FGF12: variants seen among roughly 807,000 people sequenced by gnomAD.
FGF12 encodes fibroblast growth factor 12.
In FGF12, 14 loss-of-function variants were observed where a neutral mutation model predicts 23.6. The observed-to-expected ratio is 0.59, with a 90% CI of 0.39 to 0.93. The LOEUF (loss-of-function observed/expected upper bound fraction) is 0.93, where lower values mean the gene tolerates loss of function less well. Ranked by LOEUF, FGF12 falls within the 40% of genes least tolerant of loss-of-function variation. The probability of loss-of-function intolerance (pLI) is 0.00; values close to 1 mark genes in which losing one functional copy is unlikely to be tolerated. For synonymous variants in FGF12, 62 were observed against 77.3 expected (o/e 0.80, Z 1.04); for missense variants, 175 against 217.8 (o/e 0.80, Z 1.24).
chr3:192,224,625 G>C (rs553386158), intron 4 of FGF12, among the ~76,000 whole-genome samples: 1 of 151,878 alleles, frequency 6.6e-6, no homozygotes, highest in South Asian at 2.1e-4. Flanking sequence ...GTCTGCCATT[G>C]AGTCACTCTT....
intron 2 of FGF12, among the ~76,000 whole-genome samples, chr3:192,689,312 A>G (rs1717867621): frequency 6.6e-6 from 1 of 152,190 alleles, no homozygotes; most frequent in Admixed American, 6.5e-5. Flanking sequence ...TGATCATTAC[A>G]CATTCTATGT....
intron 2 of FGF12, among the ~76,000 whole-genome samples, chr3:192,489,306 A>AT (rs552398137): frequency 2.6e-5 from 4 of 151,958 alleles, no homozygotes; most frequent in Admixed American, 6.6e-5. Context: ...ACAAATTTCC[A>AT]TTTTTTTTAA....
At chr3:192,265,040 CT>C (rs1266549826) in intron 4 of FGF12, among the ~76,000 whole-genome samples, 1 of 152,020 alleles carries the variant, frequency 6.6e-6, no homozygotes, top group Non-Finnish European at 1.5e-5. Context: ...ACTTCAGGGA[CT>C]TTTTCATATT....
intron 3 of FGF12, among the ~76,000 whole-genome samples, chr3:192,349,231 T>C (rs997562568): frequency 6.6e-6 from 1 of 152,128 alleles, no homozygotes; most frequent in African/African-American, 2.4e-5. Flanking sequence ...CAGTAACTTA[T>C]GTTGAAGACG....
At chr3:192,720,844 T>C (rs1397345274) in intron 2 of FGF12, among the ~76,000 whole-genome samples, 2 of 152,178 alleles carry the variant, frequency 1.3e-5, no homozygotes, top group African/African-American at 4.8e-5. Context: ...CACCTGAGTG[T>C]TTCTTAAATA....
chr3:192,335,696 G>T (rs148433572), intron 3 of FGF12, among the ~76,000 whole-genome samples: 381 of 152,180 alleles, frequency 2.5e-3, no homozygotes, highest in African/African-American at 8.7e-3. Flanking sequence ...AAAGGGGTTG[G>T]ATTAGAAGGT....
chr3:192,499,516 ATTTTTTTT>A (rs71177364), intron 2 of FGF12, among the ~76,000 whole-genome samples: 1 of 38,862 alleles, frequency 2.6e-5, no homozygotes, highest in African/African-American at 1.1e-4. Context: ...ATATATATAT[ATTTTTTTT>A]TTTTTTTTTT....
chr3:192,174,585 C>T (rs1577203899), intron 4 of FGF12, among the ~76,000 whole-genome samples: 1 of 152,220 alleles, frequency 6.6e-6, no homozygotes, highest in South Asian at 2.1e-4. Flanking sequence ...ATCTTAATGG[C>T]ACTGAACCAG....
chr3:192,457,310 C>T (rs1054240681), intron 2 of FGF12, among the ~76,000 whole-genome samples: 1 of 152,192 alleles, frequency 6.6e-6, no homozygotes, highest in African/African-American at 2.4e-5. Flanking sequence ...AACTGGGTAA[C>T]AGGCAGAGGC....
intron 4 of FGF12, among the ~76,000 whole-genome samples, chr3:192,234,300 T>C (rs1398492345): frequency 6.6e-6 from 1 of 152,194 alleles, no homozygotes; most frequent in Non-Finnish European, 1.5e-5. Flanking sequence ...AGGTACTTGA[T>C]TCCTTTTGTG....
intron 4 of FGF12, among the ~76,000 whole-genome samples, chr3:192,219,726 A>C (rs187324478): frequency 1.3e-5 from 2 of 152,332 alleles, no homozygotes; most frequent in East Asian, 3.9e-4. Context: ...GTGTTTGAAC[A>C]AGTGTTCCAT....
chr3:192,404,326 G>A (rs1310423056), intron 2 of FGF12, among the ~76,000 whole-genome samples: 1 of 152,098 alleles, frequency 6.6e-6, no homozygotes, highest in Non-Finnish European at 1.5e-5. Flanking sequence ...TGACCTCCAA[G>A]GTTCGTGGCC....
intron 2 of FGF12, among the ~76,000 whole-genome samples, chr3:192,463,722 T>A (rs528599981): frequency 1.3e-5 from 2 of 152,166 alleles, no homozygotes; most frequent in Non-Finnish European, 2.9e-5. Flanking sequence ...CAGGGAATCA[T>A]GTGAAAGGAT....
intron 5 of FGF12, among the ~76,000 whole-genome samples, chr3:192,155,948 T>A (rs187099900): frequency 8.3e-4 from 126 of 152,350 alleles, no homozygotes; most frequent in African/African-American, 3.0e-3. Flanking sequence ...TTGTAGTAGC[T>A]CGAAGTGCAA....
At chr3:192,588,811 C>T (rs1386552350) in intron 2 of FGF12, among the ~76,000 whole-genome samples, 2 of 151,794 alleles carry the variant, frequency 1.3e-5, no homozygotes, top group Non-Finnish European at 2.9e-5. Context: ...GCTGGAATTC[C>T]TGGGATTTTT....
At chr3:192,191,247 A>G (rs1716774248) in intron 4 of FGF12, among the ~76,000 whole-genome samples, 1 of 152,210 alleles carries the variant, frequency 6.6e-6, no homozygotes, top group Non-Finnish European at 1.5e-5. Flanking sequence ...TCCATGAAAA[A>G]TAGAAAATTT....
chr3:192,492,094 C>G (rs1281094859), intron 2 of FGF12, among the ~76,000 whole-genome samples: 1 of 152,124 alleles, frequency 6.6e-6, no homozygotes, highest in Non-Finnish European at 1.5e-5. Flanking sequence ...TTTGTATGGA[C>G]TTTTTGGTGG....
At chr3:192,253,866 T>C (rs1260397969) in intron 4 of FGF12, among the ~76,000 whole-genome samples, 1 of 152,118 alleles carries the variant, frequency 6.6e-6, no homozygotes, top group Admixed American at 6.6e-5. Context: ...AAACAGCTAT[T>C]TGTAAAACCA....
At chr3:192,623,161 T>G (rs1181113620) in intron 2 of FGF12, among the ~76,000 whole-genome samples, 1 of 152,126 alleles carries the variant, frequency 6.6e-6, no homozygotes, top group Non-Finnish European at 1.5e-5. Flanking sequence ...GTCCTCTGTT[T>G]GTTCATGTTC....
Sources: gnomAD v4.1 joint callset for allele counts (sites outside exome capture counted in the v4.1 genomes callset) on GRCh38, gnomAD v4.1.1 for gene constraint, MANE v1.5 for transcripts, NCBI Gene and HGNC (gene_info 2026-07-23, HGNC 2026-07-21) for gene names.